Variants in MORC3 observed in about 807,000 individuals in gnomAD.
MORC3 encodes MORC family CW-type zinc finger protein 3.
A neutral mutation model predicts 109.1 loss-of-function variants in MORC3; 31 were observed. The ratio of observed to expected loss-of-function variants is 0.28; its 90% CI spans 0.21 to 0.38. The LOEUF is 0.38. Among genes scored for constraint, MORC3 ranks in the 10% least tolerant of loss-of-function variants. The probability of loss-of-function intolerance (pLI) is 1.00; values close to 1 mark genes in which losing one functional copy is unlikely to be tolerated. For synonymous variants in MORC3, 395 were observed against 380.7 expected, an observed-to-expected ratio of 1.04 and a Z score of -0.44; for missense variants, 867 against 1,135.8, an observed-to-expected ratio of 0.76 and a Z score of 3.40.
At chr21:36,343,019 CA>C (rs912958287) in intron 6 of MORC3, among the ~76,000 whole-genome samples, 4 of 150,962 alleles carry the variant, frequency 2.6e-5, no homozygotes, top group Non-Finnish European at 4.4e-5. Context: ...AACTCTGTCT[CA>C]AAAAATAAAA....
chr21:36,340,151 G>A (rs1176986129), intron 5 of MORC3, among the ~76,000 whole-genome samples: 1 of 152,132 alleles, frequency 6.6e-6, no homozygotes. Flanking sequence ...GGTGGCGGGC[G>A]CCTGTAGTCC....
chr21:36,345,150 A>G, intron 8 of MORC3, 119 bp downstream of exon 8: 1 of 1,131,620 alleles, frequency 8.8e-7, no homozygotes, highest in Non-Finnish European at 1.2e-6. Context: ...TAGCTTTTTA[A>G]TGTAAATTTG....
chr21:36,346,432 C>T (rs918636795), intron 8 of MORC3, among the ~76,000 whole-genome samples: 2 of 152,166 alleles, frequency 1.3e-5, no homozygotes, highest in Non-Finnish European at 2.9e-5. Flanking sequence ...TGGCTCATTC[C>T]TGTAATCCTA....
intron 1 of MORC3, among the ~76,000 whole-genome samples, chr21:36,324,377 A>G (rs1434254879): frequency 6.7e-6 from 1 of 150,310 alleles, no homozygotes; most frequent in African/African-American, 2.5e-5. Context: ...TCCCAGGTTC[A>G]CGCCATTCTC....
chr21:36,340,390 G>C (rs2085429310), intron 5 of MORC3, among the ~76,000 whole-genome samples: 1 of 151,474 alleles, frequency 6.6e-6, no homozygotes, highest in Non-Finnish European at 1.5e-5. Flanking sequence ...CCCTCATGTT[G>C]CTCTTTTGTA....
rs1414571788 is a variant in MORC3 at position 36,369,990 on chromosome 21, G to C, written c.2508+114G>C. 3.2e-6 allele frequency: 4 copies of C among 1,246,464 alleles called. No homozygotes were observed. The Admixed American group carries it at 8.9e-5, about 28-fold the overall frequency. 77.2% of individuals were successfully genotyped at this position (1,246,464 alleles called of 1,614,324 possible). ...ACCTGTAATCCCACCACTTGGGGAG[G>C]CCAAGGCGGGTGGGTCAGTCACTTG... On this transcript the variant is annotated intron_variant, in intron 15 of 16. Coordinates refer to ENST00000400485, the MANE Select transcript of MORC3 (RefSeq NM_015358.3).
chr21:36,359,823 A>G, intron 10 of MORC3, 132 bp from the exon 11 acceptor site: 1 of 1,341,728 alleles, frequency 7.5e-7, no homozygotes, highest in South Asian at 1.3e-5. Context: ...CCTAATTTTG[A>G]AAGAGTTACG....
At chr21:36,331,478 G>A (rs1353246142) in intron 1 of MORC3, among the ~76,000 whole-genome samples, 3 of 152,092 alleles carry the variant, frequency 2.0e-5, no homozygotes, top group Non-Finnish European at 4.4e-5. Context: ...GGCACCTGTA[G>A]TCCCAGCTAC....
intron 3 of MORC3, among the ~76,000 whole-genome samples, 189 bp downstream of exon 3, chr21:36,337,195 C>T (rs759464356): frequency 6.6e-6 from 1 of 152,126 alleles, no homozygotes; most frequent in Non-Finnish European, 1.5e-5. Context: ...TCATCACCTA[C>T]CCCACCCTAC....
chr21:36,329,132 A>G (rs555872636), intron 1 of MORC3, among the ~76,000 whole-genome samples: 315 of 152,080 alleles, frequency 2.1e-3, no homozygotes, highest in African/African-American at 7.0e-3. Flanking sequence ...GTCTCTACCA[A>G]AAATACAAAA....
intron 10 of MORC3, among the ~76,000 whole-genome samples, chr21:36,357,099 T>C (rs1482450693): frequency 6.6e-6 from 1 of 152,206 alleles, no homozygotes; most frequent in Non-Finnish European, 1.5e-5. Context: ...ACATATTACT[T>C]GGCCTCTTGT....
chr21:36,362,263 A>C, intron 13 of MORC3, 35 bp downstream of exon 13: 1 of 1,528,702 alleles, frequency 6.5e-7, no homozygotes, highest in East Asian at 2.4e-5. Flanking sequence ...TTTTTTTTAA[A>C]TAGAGATGGG....
At chr21:36,353,499 G>A (rs1313430968) in intron 9 of MORC3, among the ~76,000 whole-genome samples, 3 of 151,772 alleles carry the variant, frequency 2.0e-5, no homozygotes, top group Non-Finnish European at 4.4e-5. Context: ...CCAGCACTTT[G>A]GGAGGCTGAT....
chr21:36,331,772 A>T (rs2146292487), intron 1 of MORC3, among the ~76,000 whole-genome samples: 1 of 152,344 alleles, frequency 6.6e-6, no homozygotes, highest in East Asian at 1.9e-4. Flanking sequence ...TTAAGATGCA[A>T]TGCAAATTTG....
At chr21:36,320,901 C>G (rs1226074022) in intron 1 of MORC3, among the ~76,000 whole-genome samples, 1 of 152,160 alleles carries the variant, frequency 6.6e-6, no homozygotes, top group African/African-American at 2.4e-5. Flanking sequence ...TGGGGCGTTT[C>G]GAGTTCTTGG....
intron 1 of MORC3, among the ~76,000 whole-genome samples, chr21:36,326,997 G>A (rs981466310): frequency 4.0e-5 from 6 of 151,648 alleles, no homozygotes; most frequent in Admixed American, 6.6e-5. Context: ...CGTATTTTTA[G>A]TAGAGACGGG....
intron 8 of MORC3, among the ~76,000 whole-genome samples, chr21:36,345,356 T>A (rs1255565848): frequency 1.3e-5 from 2 of 152,098 alleles, no homozygotes; most frequent in Non-Finnish European, 2.9e-5. Flanking sequence ...GTTCAAGTGA[T>A]TCTGCTGCCT....
chr21:36,357,168 T>C (rs2085654273), intron 10 of MORC3, among the ~76,000 whole-genome samples: 1 of 152,172 alleles, frequency 6.6e-6, no homozygotes, highest in Non-Finnish European at 1.5e-5. Context: ...CTCCTCGAAT[T>C]ATATGAATTA....
chr21:36,331,348 C>T (rs1210443366), intron 1 of MORC3, among the ~76,000 whole-genome samples: 1 of 152,018 alleles, frequency 6.6e-6, no homozygotes, highest in Non-Finnish European at 1.5e-5. Context: ...CCTGTAATCC[C>T]AGCACTTTGG....
Sources: gnomAD v4.1 joint callset for allele counts (sites outside exome capture counted in the v4.1 genomes callset) on GRCh38, gnomAD v4.1.1 for gene constraint, MANE v1.5 for transcripts, NCBI Gene and HGNC (gene_info 2026-07-23, HGNC 2026-07-21) for gene names.